HIRA: variants seen among roughly 807,000 people sequenced by gnomAD.
HIRA encodes the protein protein HIRA.
HIRA carries 13 observed loss-of-function variants against 126.6 expected under a neutral mutation model. The observed-to-expected ratio is 0.10, with a 90% CI of 0.07 to 0.16. HIRA has a LOEUF of 0.16. Among genes scored for constraint, HIRA ranks in the 10% least tolerant of loss-of-function variants. The pLI, the probability that HIRA is intolerant of heterozygous loss-of-function variation, is 1.00. For synonymous variants in HIRA, 511 were observed against 520.0 expected, an observed-to-expected ratio of 0.98 and a Z score of 0.24; for missense variants, 834 against 1,314.4, an observed-to-expected ratio of 0.63 and a Z score of 5.65.
intron 21 of HIRA, among the ~76,000 whole-genome samples, chr22:19,354,511 C>T (rs1556011897): frequency 1.3e-5 from 2 of 152,234 alleles, no homozygotes; most frequent in Non-Finnish European, 2.9e-5. Flanking sequence ...CGAGCAATGC[C>T]AGGCCTCTAC....
chr22:19,387,520 G>T (rs1364715487), intron 11 of HIRA, among the ~76,000 whole-genome samples, 191 bp downstream of exon 11: 2 of 152,172 alleles, frequency 1.3e-5, no homozygotes, highest in Non-Finnish European at 2.9e-5. Context: ...TTTCTGAAAT[G>T]GGGACTCGTT....
At chr22:19,410,644 TA>T in intron 2 of HIRA, 71 bp downstream of exon 2, 1 of 1,100,976 alleles carries the variant, frequency 9.1e-7, no homozygotes, top group African/African-American at 1.6e-5. Context: ...CCTCTACAGC[TA>T]AATGGACAGC....
chr22:19,391,198 C>G (rs1284453010), intron 9 of HIRA, among the ~76,000 whole-genome samples: 1 of 152,168 alleles, frequency 6.6e-6, no homozygotes, highest in East Asian at 1.9e-4. Context: ...CAGCAACATA[C>G]ACGAATCTCA....
intron 22 of HIRA, 106 bp downstream of exon 22, chr22:19,353,889 GA>G: frequency 7.2e-7 from 1 of 1,380,144 alleles, no homozygotes; most frequent in Non-Finnish European, 9.8e-7. Flanking sequence ...GGGCACAGGG[GA>G]AGGGCAGGTG....
Position 19,411,395 on chromosome 22 carries a change from C to T in HIRA, c.38-617G>A, listed in dbSNP as rs546917015. 3.3e-5 allele frequency among the ~76,000 whole-genome samples: 5 copies of T among 152,326 alleles called. No individual in the cohort carries two copies. The South Asian group carries it at 1.0e-3, about 32-fold the overall frequency. On this transcript the variant is annotated intron_variant, in intron 1 of 24. Transcript: ENST00000263208. ...GAAGCCCCAAAGAGCCCAGTATGGGCCTAGGCTTGCACTAGGATCCCATGA... is the reference window on the plus strand; with the variant it reads ...GAAGCCCCAAAGAGCCCAGTATGGGTCTAGGCTTGCACTAGGATCCCATGA...
At chr22:19,387,906 T>C in intron 10 of HIRA, 90 bp from the exon 11 acceptor site, 1 of 677,816 alleles carries the variant, frequency 1.5e-6, no homozygotes, top group African/African-American at 1.8e-5. Flanking sequence ...TGGTGGGCAG[T>C]GTTCTAGGGA....
At chr22:19,370,068 G>C (rs1377513441) in intron 15 of HIRA, among the ~76,000 whole-genome samples, 3 of 152,134 alleles carry the variant, frequency 2.0e-5, no homozygotes, top group Admixed American at 1.3e-4. Context: ...TCTGCCTCCT[G>C]GGTTCAAGCG....
At chr22:19,401,979 C>T (rs2089272500) in intron 5 of HIRA, among the ~76,000 whole-genome samples, 1 of 152,194 alleles carries the variant, frequency 6.6e-6, no homozygotes, top group African/African-American at 2.4e-5. Context: ...TCCCCCGCCC[C>T]AGCTCCCAGG....
rs779553034 is a variant in HIRA, at chr22:19,408,557, G to C, written c.137C>G (p.Ser46Cys). 1.7e-5 allele frequency: 28 copies of C among 1,613,488 alleles called. No individual in the cohort carries two copies. In the South Asian group the frequency reaches 2.6e-4, roughly 15 times the overall value. Residue 46 changes from serine to cysteine, a missense_variant, in exon 3 of 25, where the codon TCT becomes TGT. Ser to Cys is a moderately radical substitution (Grantham distance 112). Transcript: ENST00000263208. ...DSGKVVIWNM[S>C]PVLQEDDEKD... Reference sequence around the variant, plus strand: ...CTCGTCATCCTCCTGGAGGACTGGAGACATATTCCAGATCACAACCTTCCC... The same window carrying C: ...CTCGTCATCCTCCTGGAGGACTGGACACATATTCCAGATCACAACCTTCCC...
intron 24 of HIRA, among the ~76,000 whole-genome samples, chr22:19,350,334 C>T (rs1295853882): frequency 6.6e-6 from 1 of 152,102 alleles, no homozygotes; most frequent in East Asian, 1.9e-4. Context: ...GGGAGGTGCC[C>T]CATCAGTAAT....
intron 24 of HIRA, among the ~76,000 whole-genome samples, chr22:19,342,665 G>A (rs2088644230): frequency 6.6e-6 from 1 of 152,194 alleles, no homozygotes; most frequent in Non-Finnish European, 1.5e-5. Flanking sequence ...TGGGATTACA[G>A]GCATGAGCCA....
rs543209157 is a variant in HIRA, at chr22:19,351,027, G to C, written c.2937+331C>G. ...TTGACCTAACTGCCTCCCTGTTTAT[G>C]TGTGCATCCCTACCAGACCGAGCTC... On this transcript the variant is annotated intron_variant, in intron 24 of 24. Transcript: ENST00000263208. The surrounding 1 kb of genome is among the most constrained non-coding windows in gnomAD (Gnocchi z 4.8). The C allele has an allele frequency of 5.7e-5, 30 of 530,904 alleles. No individual in the cohort carries two copies. In the African/African-American group the frequency reaches 6.0e-4, roughly 11 times the overall value. The allele number at this position is 530,904 out of a possible 1,614,324, so 32.9% of individuals were successfully genotyped here.
chr22:19,399,170 TA>T, intron 5 of HIRA: 1 of 985,266 alleles, frequency 1.0e-6, no homozygotes, highest in Admixed American at 6.1e-5. Context: ...GTTATTTCTC[TA>T]ACCTCAGCGC....
rs9618556 is a variant in HIRA, at chr22:19,396,832, C to A, written c.609G>T (p.Thr203=). 3 of 1,614,092 alleles carry A rather than the reference C, an allele frequency of 1.9e-6. No individual in the cohort carries two copies. In the African/African-American group the frequency reaches 4.0e-5, roughly 22 times the overall value. Residue 203 remains threonine (T), a synonymous_variant, in exon 7 of 25, where the codon ACG becomes ACT. Coordinates refer to ENST00000263208, the MANE Select transcript of HIRA (RefSeq NM_003325.4). ...TGCTGGTCTCCAACTGCCAGTCCAG[C>A]GTCCTCCACACCTTTAGGCTGCGGT... ...ADDRSLKVWR[T]LDWQLETSIT...
chr22:19,410,911 A>C, intron 1 of HIRA, 133 bp from the exon 2 acceptor site: 2 of 743,068 alleles, frequency 2.7e-6, no homozygotes, highest in East Asian at 5.0e-5. Context: ...AAAGTCCAAC[A>C]GTGGGAGAAA....
intron 13 of HIRA, among the ~76,000 whole-genome samples, chr22:19,380,873 C>T (rs1331662263): frequency 2.0e-5 from 3 of 152,218 alleles, no homozygotes; most frequent in African/African-American, 4.8e-5. Flanking sequence ...ATCTGCCTGC[C>T]TCGGCCTCCC....
intron 15 of HIRA, among the ~76,000 whole-genome samples, chr22:19,372,314 C>T (rs2088973844): frequency 6.6e-6 from 1 of 152,116 alleles, no homozygotes; most frequent in South Asian, 2.1e-4. Flanking sequence ...TGAAGTTTTG[C>T]TTTGTATTTC....
chr22:19,344,781 C>A (rs890344704), intron 24 of HIRA, among the ~76,000 whole-genome samples: 10 of 152,116 alleles, frequency 6.6e-5, no homozygotes, highest in Admixed American at 5.2e-4. Flanking sequence ...GAATTATACA[C>A]CATGACCAAG....
chr22:19,353,874 A>T, intron 22 of HIRA, 122 bp downstream of exon 22: 1 of 1,254,122 alleles, frequency 8.0e-7, no homozygotes, highest in Non-Finnish European at 1.1e-6. Flanking sequence ...GCTGACCAGC[A>T]CCTGGGGCAC....
Sources: gnomAD v4.1 joint callset for allele counts (sites outside exome capture counted in the v4.1 genomes callset) on GRCh38, gnomAD v4.1.1 for gene constraint, Gnocchi (gnomAD v3.1) non-coding constraint, MANE v1.5 for transcripts, NCBI Gene and HGNC (gene_info 2026-07-23, HGNC 2026-07-21) for gene names.